Variants in WDR44 observed in about 807,000 individuals in gnomAD.
WDR44 encodes the protein WD repeat domain 44.
Under a neutral mutation model 65.7 loss-of-function variants are expected in WDR44, and 9 were observed. The observed-to-expected ratio is 0.14, with a 90% CI of 0.08 to 0.24. The LOEUF is 0.24. Ranked by LOEUF, WDR44 falls within the 10% of genes least tolerant of loss-of-function variation. The pLI is 1.00. For missense variants in WDR44, 425 were observed against 670.9 expected, an observed-to-expected ratio of 0.63 and a Z score of 4.05; for synonymous variants, 220 against 235.2, an observed-to-expected ratio of 0.94 and a Z score of 0.59.
At chrX:118,370,354 C>T (rs2056603236) in intron 1 of WDR44, among the ~76,000 whole-genome samples, 1 of 110,986 alleles carries the variant, frequency 9.0e-6, no homozygotes, top group Admixed American at 9.6e-5. Flanking sequence ...GGGCAGATCC[C>T]TCATGAATGT....
At position 118,353,424 on chromosome X, in the gene WDR44, T is replaced by A. The variant is rs145590977; in HGVS notation, c.77+6844T>A. Among the ~76,000 whole-genome samples, 465 of 111,882 alleles carry A rather than the reference T, an allele frequency of 4.2e-3. 2 individuals carry two copies. The highest frequency in any genetic ancestry group is 6.1e-3 in the Non-Finnish European group (325 of 53,167). ...TTTGCCTTCTCTCAGATACTAGGATTACCATATAATCAGGTTCTGCCAGAG... is the reference window on the plus strand; with the variant it reads ...TTTGCCTTCTCTCAGATACTAGGATAACCATATAATCAGGTTCTGCCAGAG... On this transcript the variant is annotated intron_variant, in intron 1 of 19. Transcript: ENST00000254029.
intron 12 of WDR44, among the ~76,000 whole-genome samples, chrX:118,420,272 G>C (rs1261053840): frequency 9.1e-6 from 1 of 110,273 alleles, no homozygotes; most frequent in Non-Finnish European, 1.9e-5. Flanking sequence ...TTTTTTTTGA[G>C]ACAGAGTCTC....
intron 1 of WDR44, among the ~76,000 whole-genome samples, chrX:118,371,118 G>C (rs2386993): frequency 0.48 from 52,533 of 110,367 alleles, 11,532 homozygotes; most frequent in African/African-American, 0.85. Flanking sequence ...GAACACTATT[G>C]AGCCTTAAGA....
At position 118,382,336 on chromosome X, in the gene WDR44, A is replaced by G. The variant is rs1215992521; in HGVS notation, c.111+3884A>G. Among the ~76,000 whole-genome samples, 3 of 112,188 alleles carry G rather than the reference A, an allele frequency of 2.7e-5. No homozygotes were observed. The East Asian group carries it at 8.3e-4, about 31-fold the overall frequency. Reference sequence around the variant, plus strand: ...GACTTAGGTGCAAAGAAAGCTGTCAAGAGGCAGTTAAAATGTCAAGACATG... The same window carrying G: ...GACTTAGGTGCAAAGAAAGCTGTCAGGAGGCAGTTAAAATGTCAAGACATG... On this transcript the variant is annotated intron_variant, in intron 2 of 19. Coordinates refer to ENST00000254029, the MANE Select transcript of WDR44 (RefSeq NM_019045.5).
At chrX:118,352,337 TATATA>T (rs1569354343) in intron 1 of WDR44, among the ~76,000 whole-genome samples, 3 of 19,810 alleles carry the variant, frequency 1.5e-4, no homozygotes, top group African/African-American at 4.4e-4. Context: ...TATATATATA[TATATA>T]TATATATATA....
At chrX:118,371,837 T>G (rs1291843763) in intron 1 of WDR44, among the ~76,000 whole-genome samples, 3 of 110,937 alleles carry the variant, frequency 2.7e-5, no homozygotes, top group East Asian at 5.6e-4. Context: ...TTCTGAAAAA[T>G]TTTCCGTGTG....
chrX:118,406,221 T>C (rs1266595894), intron 9 of WDR44, among the ~76,000 whole-genome samples: 1 of 111,309 alleles, frequency 9.0e-6, no homozygotes, highest in Non-Finnish European at 1.9e-5. Flanking sequence ...TCGCAGATTT[T>C]GGTACCCATA....
At chrX:118,382,232 TTTTG>T (rs908932991) in intron 2 of WDR44, among the ~76,000 whole-genome samples, 5 of 111,050 alleles carry the variant, frequency 4.5e-5, no homozygotes, top group African/African-American at 6.5e-5. Context: ...AAGGTGGTTT[TTTTG>T]TTTGTTTGTT....
intron 17 of WDR44, 80 bp downstream of exon 17, chrX:118,442,760 ATGT>A (rs757059813): frequency 3.9e-6 from 3 of 773,772 alleles, no homozygotes; most frequent in East Asian, 3.2e-5. Flanking sequence ...TCTATGCCTT[ATGT>A]TTAATGGGGT....
chrX:118,393,266 T>C lies in WDR44; in HGVS notation c.821T>C (p.Ile274Thr), dbSNP rs763636506. 1.0e-5 allele frequency: 12 copies of C among 1,184,390 alleles called. No homozygotes were observed. The African/African-American group carries it at 1.1e-4, about 11-fold the overall frequency. ...TTTGAGACTCTGAAAACTCCTGATA[T>C]AGATGGCAAGTATTAATTGAGAAAT... Reference protein sequence around the residue: ...LEFETLKTPDIDVPKENITSD... With the variant: ...LEFETLKTPDTDVPKENITSD... Residue 274 changes from isoleucine to threonine, a missense_variant, in exon 4 of 20, where the codon ATA becomes ACA. Ile to Thr is a moderately conservative substitution (Grantham distance 89). Around this residue, in one of 5 missense-constraint regions of WDR44, gnomAD observed 193 missense variants for 209.0 expected, o/e 0.92. Transcript: ENST00000254029.
chrX:118,412,375 G>A (rs780315298), intron 12 of WDR44, among the ~76,000 whole-genome samples: 2 of 111,704 alleles, frequency 1.8e-5, no homozygotes, highest in Non-Finnish European at 3.8e-5. Flanking sequence ...ATTTCACTCA[G>A]AGGCATAATT....
chrX:118,365,790 C>G (rs181277565), intron 1 of WDR44, among the ~76,000 whole-genome samples: 90 of 112,046 alleles, frequency 8.0e-4, no homozygotes, highest in African/African-American at 2.1e-3. Flanking sequence ...TGCTTGCTGA[C>G]TCTTAATGAG....
intron 19 of WDR44, among the ~76,000 whole-genome samples, chrX:118,447,569 T>C (rs1217106193): frequency 1.8e-5 from 2 of 110,955 alleles, no homozygotes; most frequent in Non-Finnish European, 3.8e-5. Context: ...ACCTAGTTTA[T>C]AGAGTTTCAA....
chrX:118,442,106 A>G (rs760668573), intron 15 of WDR44, 138 bp from the exon 16 acceptor site: 802 of 471,102 alleles, frequency 1.7e-3, no homozygotes, highest in South Asian at 5.7e-3. Flanking sequence ...TAGTGGTGCA[A>G]TTGTTGCTCA....
chrX:118,361,839 G>T (rs2056514634), intron 1 of WDR44, among the ~76,000 whole-genome samples: 1 of 112,143 alleles, frequency 8.9e-6, no homozygotes. Context: ...GAGTGCTGAA[G>T]ATCTGAGTTT....
intron 1 of WDR44, among the ~76,000 whole-genome samples, chrX:118,369,470 CTTTT>C (rs1353904561): frequency 1.3e-5 from 1 of 75,972 alleles, no homozygotes; most frequent in Non-Finnish European, 2.5e-5. Flanking sequence ...CACGCCCGGC[CTTTT>C]TTTTTTTTTT....
chrX:118,375,205 T>C (rs2056647026), intron 1 of WDR44, among the ~76,000 whole-genome samples: 1 of 111,386 alleles, frequency 9.0e-6, no homozygotes, highest in Non-Finnish European at 1.9e-5. Flanking sequence ...TTTTGTTTTT[T>C]GACAGCTAAA....
intron 8 of WDR44, among the ~76,000 whole-genome samples, chrX:118,399,570 A>G (rs2056894486): frequency 8.9e-6 from 1 of 111,900 alleles, no homozygotes; most frequent in African/African-American, 3.2e-5. Context: ...TGGGACAGAT[A>G]AACATCCAGA....
intron 1 of WDR44, among the ~76,000 whole-genome samples, chrX:118,366,820 G>A (rs1001891357): frequency 1.8e-5 from 2 of 111,984 alleles, no homozygotes; most frequent in East Asian, 2.8e-4. Context: ...GGTTTCGGCC[G>A]GGCGCAGTGG....
Sources: gnomAD v4.1 joint callset for allele counts (sites outside exome capture counted in the v4.1 genomes callset) on GRCh38, gnomAD v4.1.1 for gene constraint, gnomAD v4.1.1 regional missense constraint, MANE v1.5 for transcripts, NCBI Gene and HGNC (gene_info 2026-07-23, HGNC 2026-07-21) for gene names.